FBXO9: variants seen among roughly 807,000 people sequenced by gnomAD.
The protein encoded by FBXO9 is F-box only protein 9.
Under a neutral mutation model 63.7 loss-of-function variants are expected in FBXO9, and 43 were observed. The ratio of observed to expected loss-of-function variants is 0.67; its 90% confidence interval spans 0.53 to 0.87. FBXO9 has a LOEUF of 0.87. FBXO9 is among the 40% of genes least tolerant of loss of function. The pLI is 0.00. For missense variants in FBXO9, 442 were observed against 533.2 expected (o/e 0.83, Z 1.68); for synonymous variants, 156 against 171.7 (o/e 0.91, Z 0.72).
chr6:53,092,292 C>G lies in FBXO9; in HGVS notation c.654-137C>G, dbSNP rs16883429. On this transcript the variant is annotated intron_variant, in intron 7 of 12. Coordinates refer to ENST00000323557, the MANE Select transcript of FBXO9 (RefSeq NM_033480.3). ...TAAAAGAGCAGGGCCTTTGCCTTGT[C>G]CATTAGTTTCTCCTCAGAACAGTGC... The G allele has an allele frequency of 7.1e-3, 4,533 of 635,688 alleles. 134 individuals carry two copies. The highest frequency in any genetic ancestry group is 0.07 in the African/African-American group (3,784 of 54,084). 39.4% of individuals were successfully genotyped at this position (635,688 alleles called of 1,614,324 possible). A position where few individuals can be genotyped will look rare whatever the true frequency, so the allele number is the denominator to read the frequency against.
chr6:53,065,668 T>C lies in FBXO9; in HGVS notation c.-122T>C, dbSNP rs1768665777. 8.1e-7 allele frequency: 1 copy of C among 1,234,206 alleles called. No homozygotes were observed. The highest frequency in any genetic ancestry group is 1.9e-5 in the South Asian group (1 of 53,324). The allele number at this position is 1,234,206 out of a possible 1,614,324, so 76.5% of individuals were successfully genotyped here. On this transcript the variant is annotated 5_prime_UTR_variant, in exon 1 of 13. Coordinates refer to ENST00000323557, the MANE Select transcript of FBXO9 (RefSeq NM_033480.3). ...GGTGCGCTTCTCCGACCGAGAACTCTGCTAAGCTCCGCTGCAGAGACAGGC... is the reference window on the plus strand; with the variant it reads ...GGTGCGCTTCTCCGACCGAGAACTCCGCTAAGCTCCGCTGCAGAGACAGGC...
intron 10 of FBXO9, 86 bp downstream of exon 10, chr6:53,093,647 A>G: frequency 2.0e-6 from 2 of 1,002,502 alleles, no homozygotes; most frequent in South Asian, 1.5e-5. Context: ...TGCTTCTTTC[A>G]CTTAATACTG....
rs771447764 is a variant in FBXO9 at position 53,080,924 on chromosome 6, C to T, written c.408-44C>T. The T allele has an allele frequency of 2.3e-5, 37 of 1,610,380 alleles. No individual in the cohort carries two copies. In the Middle Eastern group the frequency reaches 5.0e-4, roughly 22 times the overall value. ...GAAAAATCAGTTTCTAAACTGTACGCTTGTAGACTGAGGCACTTAATTTAT... is the reference window on the plus strand; with the variant it reads ...GAAAAATCAGTTTCTAAACTGTACGTTTGTAGACTGAGGCACTTAATTTAT... On this transcript the variant is annotated intron_variant, in intron 5 of 12. Transcript: ENST00000323557.
In FBXO9 at chr6:53,078,091, C is replaced by A. The variant is rs1433041646; in HGVS notation, c.308-708C>A. ...GATAATTTAAAAACAAAAACAAAAACTATTCTTTATTCCACCCAGTAGGAA... is the reference window on the plus strand; with the variant it reads ...GATAATTTAAAAACAAAAACAAAAAATATTCTTTATTCCACCCAGTAGGAA... On this transcript the variant is annotated intron_variant, in intron 4 of 12. Transcript: ENST00000323557. 4.6e-5 allele frequency among the ~76,000 whole-genome samples: 7 copies of A among 152,172 alleles called. 1 individual carries two copies. The highest frequency in any genetic ancestry group is 1.0e-4 in the Non-Finnish European group (7 of 68,028).
Position 53,095,597 on chromosome 6 carries a change from T to C in FBXO9, c.1138T>C (p.Cys380Arg). 1 of 1,613,792 alleles carries C rather than the reference T, an allele frequency of 6.2e-7. No homozygotes were observed. Among genetic ancestry groups the C allele is most frequent in the Non-Finnish European group, 8.5e-7 (1 of 1,179,798 alleles). Reference sequence around the variant, plus strand: ...GAGTTTTCATGTGGGGCTACAGCTATGTTCCAGTGGTCACCAGAGGTTCAA... The same window carrying C: ...GAGTTTTCATGTGGGGCTACAGCTACGTTCCAGTGGTCACCAGAGGTTCAA... ...DQSFHVGLQL[C>R]SSGHQRFNKL... Residue 380 changes from cysteine to arginine, a missense_variant, in exon 12 of 13, where the codon TGT (cysteine) becomes CGT (arginine). Physicochemically the swap from Cys to Arg is radical, Grantham distance 180 (BLOSUM62 -3). Coordinates refer to ENST00000323557, the MANE Select transcript of FBXO9 (RefSeq NM_033480.3).
intron 7 of FBXO9, among the ~76,000 whole-genome samples, chr6:53,083,318 C>G (rs1233484383): frequency 1.3e-5 from 2 of 152,114 alleles, no homozygotes; most frequent in African/African-American, 4.8e-5. Flanking sequence ...TTTCACAATT[C>G]TGTGTGCTAG....
Position 53,093,708 on chromosome 6 carries a change from G to A in FBXO9, c.959+147G>A, listed in dbSNP as rs187658506. On this transcript the variant is annotated intron_variant, in intron 10 of 12. Coordinates refer to ENST00000323557, the MANE Select transcript of FBXO9 (RefSeq NM_033480.3). ...GGTCTTAGGAAAAATACCAATTTCTGGGCTTTTCCTTAGAAAATCTACTTC... is the reference window on the plus strand; with the variant it reads ...GGTCTTAGGAAAAATACCAATTTCTAGGCTTTTCCTTAGAAAATCTACTTC... 2.8e-4 allele frequency: 236 copies of A among 857,912 alleles called. 1 individual carries two copies. The East Asian group carries it at 6.2e-3, about 23-fold the overall frequency. The allele number at this position is 857,912 out of a possible 1,614,324, so 53.1% of individuals were successfully genotyped here. A position where few individuals can be genotyped will look rare whatever the true frequency, so the allele number is the denominator to read the frequency against.
intron 11 of FBXO9, among the ~76,000 whole-genome samples, 183 bp from the exon 12 acceptor site, chr6:53,095,330 A>G (rs550317974): frequency 5.3e-4 from 81 of 152,316 alleles, no homozygotes; most frequent in African/African-American, 1.9e-3. Flanking sequence ...TGGGGAAAAA[A>G]ATCTGATATT....
chr6:53,093,565 G>A lies in FBXO9; in HGVS notation c.959+4G>A, dbSNP rs370006191. 1.1e-5 allele frequency: 18 copies of A among 1,609,130 alleles called. No homozygotes were observed. The highest frequency in any genetic ancestry group is 1.5e-5 in the Non-Finnish European group (18 of 1,176,750). On this transcript the variant is annotated splice_donor_region_variant and intron_variant, in intron 10 of 12. Coordinates refer to ENST00000323557, the MANE Select transcript of FBXO9 (RefSeq NM_033480.3). Reference sequence around the variant, plus strand: ...GTTTAAGAACTAGGAATACCAGGTAGCATTTGTTTTTTAAATGGCTTTCCA... The same window carrying A: ...GTTTAAGAACTAGGAATACCAGGTAACATTTGTTTTTTAAATGGCTTTCCA...
rs374901787 is a variant in FBXO9, at chr6:53,078,874, A to G, written c.383A>G (p.Asp128Gly). Residue 128 changes from aspartate to glycine, a missense_variant, in exon 5 of 13, where the codon GAT becomes GGT. Physicochemically the swap from Asp to Gly is moderately conservative, Grantham distance 94. Transcript: ENST00000323557. ...EFKITYTRSPDGDGVGNSYIE... is the reference protein window; with the variant it reads ...EFKITYTRSPGGDGVGNSYIE... The stretch of plus-strand genomic sequence containing the variant: ...AAGATTACTTATACCCGGTCTCCAG[A>G]TGGTGATGGCGTTGGAAACAGCTAG... The G allele has an allele frequency of 3.1e-6, 5 of 1,613,794 alleles. No homozygotes were observed. Among genetic ancestry groups the G allele is most frequent in the Non-Finnish European group, 4.2e-6 (5 of 1,179,680 alleles).
At position 53,065,838 on chromosome 6, in the gene FBXO9, C is replaced by T. The variant is rs937970214; in HGVS notation, c.3+46C>T. 11 of 1,306,632 alleles carry T rather than the reference C, an allele frequency of 8.4e-6. No homozygotes were observed. The African/African-American group carries it at 1.7e-4, about 20-fold the overall frequency. The allele number at this position is 1,306,632 out of a possible 1,614,324, so 80.9% of individuals were successfully genotyped here. A position where few individuals can be genotyped will look rare whatever the true frequency, so the allele number is the denominator to read the frequency against. On this transcript the variant is annotated intron_variant, in intron 1 of 12. Transcript: ENST00000323557. ...GAGGGTGGACGCCGCGGGGCGGGAG[C>T]GTGGTGTGCAGAGGGGCCGGGCCTA...
chr6:53,068,655 T>TG (rs1447540194), intron 1 of FBXO9, among the ~76,000 whole-genome samples: 9 of 11,020 alleles, frequency 8.2e-4, no homozygotes, highest in African/African-American at 1.1e-3. Flanking sequence ...TATATATGTG[T>TG]TTTTTTTTTT....
chr6:53,081,933 G>A (rs1043213528), intron 6 of FBXO9, among the ~76,000 whole-genome samples: 3 of 152,204 alleles, frequency 2.0e-5, no homozygotes, highest in South Asian at 4.1e-4. Flanking sequence ...GCTGGGCGTC[G>A]TGGCGCATGA....
chr6:53,069,494 G>A (rs1334954177), intron 1 of FBXO9, among the ~76,000 whole-genome samples: 2 of 151,960 alleles, frequency 1.3e-5, no homozygotes, highest in African/African-American at 4.8e-5. Context: ...TCCTCCTGAT[G>A]GAAAATACAA....
chr6:53,093,305 G>A (rs997994474), intron 9 of FBXO9, 161 bp from the exon 10 acceptor site: 10 of 493,038 alleles, frequency 2.0e-5, no homozygotes, highest in African/African-American at 7.9e-5. Context: ...GGACTAACAG[G>A]TAGTCAGTAA....
intron 11 of FBXO9, among the ~76,000 whole-genome samples, chr6:53,094,192 A>G (rs1029702227): frequency 6.6e-6 from 1 of 152,100 alleles, no homozygotes; most frequent in Non-Finnish European, 1.5e-5. Context: ...TTTTTACCAG[A>G]TAGTTTGTTT....
rs556717858 is a variant in FBXO9, at chr6:53,086,310, A to C, written c.653+3692A>C. Among the ~76,000 whole-genome samples, 3 of 152,350 alleles carry C rather than the reference A, an allele frequency of 2.0e-5. No homozygotes were observed. The East Asian group carries it at 5.8e-4, about 29-fold the overall frequency. On this transcript the variant is annotated intron_variant, in intron 7 of 12. Coordinates refer to ENST00000323557, the MANE Select transcript of FBXO9 (RefSeq NM_033480.3). ...TGAAGTTACTTATTTAACCATACTG[A>C]TAATCAAAAGATCTTAAAAGCAATG...
At chr6:53,065,882 G>A in intron 1 of FBXO9, 90 bp downstream of exon 1, 1 of 1,241,868 alleles carries the variant, frequency 8.1e-7, no homozygotes, top group Non-Finnish European at 1.0e-6. Flanking sequence ...GGTCGGCGGG[G>A]ACTCTGGGGA....
rs1763254603 is a variant in FBXO9, at chr6:53,097,893, C to A, written c.*63C>A. The A allele has an allele frequency of 9.1e-6, 5 of 548,604 alleles. No homozygotes were observed. The highest frequency in any genetic ancestry group is 3.7e-5 in the Admixed American group (1 of 26,718). 34.0% of individuals were successfully genotyped at this position (548,604 alleles called of 1,614,324 possible). A position where few individuals can be genotyped will look rare whatever the true frequency, so the allele number is the denominator to read the frequency against. On this transcript the variant is annotated 3_prime_UTR_variant, in exon 13 of 13. Transcript: ENST00000323557. ...TAAAGTATATAGCGCAAAAGAGCAC[C>A]TAAGTTATAAATGTGTGTGTGTGCG...
Sources: gnomAD v4.1 joint callset for allele counts (sites outside exome capture counted in the v4.1 genomes callset) on GRCh38, gnomAD v4.1.1 for gene constraint, MANE v1.5 for transcripts, NCBI Gene and HGNC (gene_info 2026-07-23, HGNC 2026-07-21) for gene names.